The following FOCAD variants were observed in gnomAD, a reference collection of about 807,000 sequenced individuals.
The protein encoded by FOCAD is KIAA1797.
FOCAD carries 198 observed loss-of-function variants against 225.6 expected under a neutral mutation model. The ratio of observed to expected loss-of-function variants is 0.88; its 90% CI spans 0.78 to 0.99. FOCAD has a LOEUF of 0.99. Among genes scored for constraint, FOCAD ranks in the 50% least tolerant of loss-of-function variants. The pLI is 0.00. For missense variants in FOCAD, 2,713 were observed against 2,123.6 expected (o/e 1.28, Z -5.46); for synonymous variants, 897 against 755.0 (o/e 1.19, Z -3.08).
intron 1 of FOCAD, among the ~76,000 whole-genome samples, chr9:20,714,033 T>G (rs1180741638): frequency 6.6e-6 from 1 of 152,200 alleles, no homozygotes; most frequent in Non-Finnish European, 1.5e-5. Context: ...AATACCAGGA[T>G]AAATTACCCA....
At chr9:20,965,181 C>T (rs1839149312) in intron 35 of FOCAD, among the ~76,000 whole-genome samples, 2 of 152,108 alleles carry the variant, frequency 1.3e-5, no homozygotes, top group South Asian at 4.1e-4. Context: ...AGAAAATACC[C>T]TTGAATTTGG....
chr9:20,942,379 A>G (rs1160727693), intron 28 of FOCAD, among the ~76,000 whole-genome samples: 1 of 152,206 alleles, frequency 6.6e-6, no homozygotes, highest in Non-Finnish European at 1.5e-5. Context: ...AGACTTACAT[A>G]CTTCCTTGTT....
At chr9:20,789,730 T>A (rs1419922190) in intron 11 of FOCAD, 122 bp downstream of exon 11, 1 of 1,278,190 alleles carries the variant, frequency 7.8e-7, no homozygotes, top group Non-Finnish European at 1.1e-6. Flanking sequence ...TGATTTTTTT[T>A]TTTTTTGCTA....
chr9:20,980,368 C>G (rs1840585114), intron 37 of FOCAD, among the ~76,000 whole-genome samples: 1 of 152,126 alleles, frequency 6.6e-6, no homozygotes, highest in South Asian at 2.1e-4. Flanking sequence ...ACTTTTGAAT[C>G]AGACCTATTT....
intron 1 of FOCAD, among the ~76,000 whole-genome samples, chr9:20,700,111 G>A (rs1823818446): frequency 6.6e-6 from 1 of 151,544 alleles, no homozygotes; most frequent in Non-Finnish European, 1.5e-5. Flanking sequence ...AGTAATGCTA[G>A]CTGTATAATA....
At chr9:20,670,073 C>T (rs958704564) in intron 2 of FOCAD, among the ~76,000 whole-genome samples, 1 of 152,158 alleles carries the variant, frequency 6.6e-6, no homozygotes. Flanking sequence ...CTTTTTAACC[C>T]ATGGTGTTTA....
At chr9:20,919,157 T>A (rs1430233115) in intron 24 of FOCAD, among the ~76,000 whole-genome samples, 3 of 152,184 alleles carry the variant, frequency 2.0e-5, no homozygotes, top group Non-Finnish European at 4.4e-5. Context: ...GCAAGCATTC[T>A]TATACACCAA....
intron 35 of FOCAD, among the ~76,000 whole-genome samples, chr9:20,957,188 C>T (rs1185236590): frequency 6.6e-6 from 1 of 151,926 alleles, no homozygotes; most frequent in Non-Finnish European, 1.5e-5. Context: ...CTCAGCCCCC[C>T]AGGTAGCTAG....
chr9:20,849,729 A>C (rs137940623), intron 15 of FOCAD, among the ~76,000 whole-genome samples: 1 of 152,068 alleles, frequency 6.6e-6, no homozygotes, highest in East Asian at 1.9e-4. Flanking sequence ...TAGTAACTAC[A>C]TGTCCAGATC....
chr9:20,762,422 T>A (rs899369103), intron 6 of FOCAD, among the ~76,000 whole-genome samples: 4 of 152,222 alleles, frequency 2.6e-5, no homozygotes, highest in Admixed American at 2.6e-4. Flanking sequence ...GACTGTGAGC[T>A]CTATGAGAGC....
intron 23 of FOCAD, among the ~76,000 whole-genome samples, chr9:20,913,910 G>A (rs1200224057): frequency 6.6e-6 from 1 of 152,058 alleles, no homozygotes. Flanking sequence ...CATATTCCTA[G>A]TGAAAACTCA....
chr9:20,826,011 T>C (rs568510533), intron 15 of FOCAD, among the ~76,000 whole-genome samples: 4 of 152,186 alleles, frequency 2.6e-5, no homozygotes, highest in African/African-American at 9.6e-5. Flanking sequence ...CTTAATGCTG[T>C]TGATGTATTG....
intron 2 of FOCAD, among the ~76,000 whole-genome samples, chr9:20,717,110 A>G (rs969639443): frequency 2.0e-5 from 3 of 152,224 alleles, no homozygotes; most frequent in African/African-American, 7.2e-5. Context: ...ATTCATGTAA[A>G]TGAGTGACTT....
intron 8 of FOCAD, among the ~76,000 whole-genome samples, chr9:20,774,013 T>G (rs1818502079): frequency 6.6e-6 from 1 of 152,206 alleles, no homozygotes; most frequent in Non-Finnish European, 1.5e-5. Flanking sequence ...GCCGATGCAT[T>G]AGATTCTCAC....
At chr9:20,669,837 A>G (rs1322559057) in intron 2 of FOCAD, among the ~76,000 whole-genome samples, 4 of 152,206 alleles carry the variant, frequency 2.6e-5, no homozygotes, top group Non-Finnish European at 5.9e-5. Context: ...GAAAATGTCA[A>G]GAAAGCAACA....
At chr9:20,973,197 G>T (rs1839917143) in intron 35 of FOCAD, among the ~76,000 whole-genome samples, 1 of 150,004 alleles carries the variant, frequency 6.7e-6, no homozygotes, top group Non-Finnish European at 1.5e-5. Flanking sequence ...TGCTGACTTT[G>T]CCTTATTCTG....
intron 15 of FOCAD, among the ~76,000 whole-genome samples, 180 bp from the exon 16 acceptor site, chr9:20,862,398 A>G (rs1038133432): frequency 6.6e-6 from 1 of 152,086 alleles, no homozygotes; most frequent in Non-Finnish European, 1.5e-5. Context: ...CATAACTTCA[A>G]CAGTTTACAC....
Position 20,821,022 on chromosome 9 carries a change from G to A in FOCAD, c.1744G>A (p.Glu582Lys). Residue 582 changes from glutamate (E) to lysine (K), a missense_variant, in exon 14 of 44, where the codon GAG becomes AAG. By Grantham distance (56) the Glu-to-Lys change is moderately conservative (BLOSUM62 1). Coordinates refer to ENST00000338382, the MANE Select transcript of FOCAD (RefSeq NM_001375567.1). ...TTCGGTGGGCAAGGAAGTCCAATGGGAGAAACTGATTGCAAAAGCAGCATC... is the reference window on the plus strand; with the variant it reads ...TTCGGTGGGCAAGGAAGTCCAATGGAAGAAACTGATTGCAAAAGCAGCATC... ...SLSVGKEVQW[E>K]KLIAKAASIR... 6.2e-7 allele frequency: 1 copy of A among 1,612,770 alleles called. No homozygotes were observed. Among genetic ancestry groups the A allele is most frequent in the Non-Finnish European group, 8.5e-7 (1 of 1,179,132 alleles).
intron 7 of FOCAD, among the ~76,000 whole-genome samples, chr9:20,765,504 G>A (rs1422673701): frequency 6.6e-6 from 1 of 151,756 alleles, no homozygotes; most frequent in Admixed American, 6.6e-5. Flanking sequence ...GGCCAGCTGA[G>A]TGCCAGCTAG....
Sources: gnomAD v4.1 joint callset for allele counts (sites outside exome capture counted in the v4.1 genomes callset) on GRCh38, gnomAD v4.1.1 for gene constraint, MANE v1.5 for transcripts, NCBI Gene and HGNC (gene_info 2026-07-23, HGNC 2026-07-21) for gene names.